TENM3: variants seen among roughly 807,000 people sequenced by gnomAD.
TENM3 encodes teneurin transmembrane protein 3, also known as teneurin-3.
Under a neutral mutation model 255.1 loss-of-function variants are expected in TENM3, and 63 were observed. The ratio of observed to expected loss-of-function variants is 0.25; its 90% confidence interval spans 0.20 to 0.30. The LOEUF (loss-of-function observed/expected upper bound fraction) is 0.30, where lower values mean the gene tolerates loss of function less well. TENM3 is among the 10% of genes least tolerant of loss of function. The pLI, the probability that TENM3 is intolerant of heterozygous loss-of-function variation, is 1.00. For synonymous variants in TENM3, 1,306 were observed against 1,322.3 expected, an observed-to-expected ratio of 0.99 and a Z score of 0.27; for missense variants, 2,929 against 3,461.1, an observed-to-expected ratio of 0.85 and a Z score of 3.86.
chr4:181,594,533 A>G, the TENM3 span, among the ~76,000 whole-genome samples: 3 of 152,070 alleles, frequency 2.0e-5, no homozygotes, highest in Non-Finnish European at 4.4e-5. Flanking sequence ...CCAAGACTCC[A>G]TTTCTGGGTT....
chr4:182,287,897 G>A (rs1021518416), intron 1 of TENM3, among the ~76,000 whole-genome samples: 11 of 151,352 alleles, frequency 7.3e-5, no homozygotes, highest in African/African-American at 1.9e-4. Context: ...GATTACAGGC[G>A]TGAGGTACCG....
chr4:182,062,214 A>G, the TENM3 span, among the ~76,000 whole-genome samples: 1 of 152,184 alleles, frequency 6.6e-6, no homozygotes, highest in Admixed American at 6.5e-5. Context: ...ACCCAAGAAT[A>G]TGTTTAGTTT....
chr4:182,654,494 T>TA (rs1218925559), intron 6 of TENM3, among the ~76,000 whole-genome samples: 3 of 152,150 alleles, frequency 2.0e-5, no homozygotes, highest in Non-Finnish European at 4.4e-5. Flanking sequence ...TATGTACACT[T>TA]ACGTTACAAA....
the TENM3 span, among the ~76,000 whole-genome samples, chr4:181,564,028 CTTTTCTTTT>C: frequency 1.1e-5 from 1 of 94,714 alleles, no homozygotes; most frequent in Admixed American, 1.1e-4. Context: ...CTTTTCTTTT[CTTTTCTTTT>C]TTCTTTTTTT....
intron 12 of TENM3, among the ~76,000 whole-genome samples, chr4:182,709,621 A>G (rs1025565303): frequency 1.3e-5 from 2 of 152,116 alleles, no homozygotes; most frequent in Non-Finnish European, 2.9e-5. Context: ...AATTATTTGA[A>G]CCTCATATAT....
chr4:182,390,143 G>C (rs2150976078), intron 3 of TENM3, among the ~76,000 whole-genome samples: 1 of 152,238 alleles, frequency 6.6e-6, no homozygotes, highest in South Asian at 2.1e-4. Context: ...TCCCGGGTGG[G>C]TCATGGGATC....
At chr4:181,969,659 T>C in the TENM3 span, among the ~76,000 whole-genome samples, 3 of 152,232 alleles carry the variant, frequency 2.0e-5, no homozygotes, top group Non-Finnish European at 4.4e-5. Context: ...TTTTCTCAGT[T>C]ACATCCATCA....
At chr4:181,701,663 A>G in the TENM3 span, among the ~76,000 whole-genome samples, 1 of 152,184 alleles carries the variant, frequency 6.6e-6, no homozygotes, top group Non-Finnish European at 1.5e-5. Flanking sequence ...CTTTATAGTG[A>G]AAGACTCCTA....
chr4:182,152,663 T>C (rs2149585945), intron 1 of TENM3, among the ~76,000 whole-genome samples: 1 of 152,068 alleles, frequency 6.6e-6, no homozygotes, highest in Non-Finnish European at 1.5e-5. Flanking sequence ...CTTCGATTTT[T>C]ACTAATTTAA....
At chr4:181,809,563 C>T in the TENM3 span, among the ~76,000 whole-genome samples, 1 of 152,248 alleles carries the variant, frequency 6.6e-6, no homozygotes, top group Admixed American at 6.5e-5. Flanking sequence ...TCCTGTGCTA[C>T]TATGCTGAAG....
chr4:182,731,832 A>G (rs1161110853), intron 16 of TENM3, among the ~76,000 whole-genome samples: 1 of 147,332 alleles, frequency 6.8e-6, no homozygotes, highest in Non-Finnish European at 1.5e-5. Flanking sequence ...CCCAGGCTGG[A>G]GTGCAGTGGC....
chr4:181,801,695 T>TATATATATATAC, the TENM3 span, among the ~76,000 whole-genome samples: 3 of 125,910 alleles, frequency 2.4e-5, no homozygotes, highest in African/African-American at 9.4e-5. Flanking sequence ...TATATATATA[T>TATATATATATAC]ATGCAACAAT....
the TENM3 span, among the ~76,000 whole-genome samples, chr4:182,003,017 A>C: frequency 1.3e-5 from 2 of 152,062 alleles, no homozygotes; most frequent in Admixed American, 1.3e-4. Flanking sequence ...TGCTTGTTCA[A>C]GTGAGATATA....
At chr4:181,833,601 G>A in the TENM3 span, among the ~76,000 whole-genome samples, 2 of 152,088 alleles carry the variant, frequency 1.3e-5, no homozygotes, top group Non-Finnish European at 2.9e-5. Flanking sequence ...TTGACATTCA[G>A]TCATGACAAA....
chr4:181,859,242 C>CAAA, the TENM3 span, among the ~76,000 whole-genome samples: 5,802 of 83,034 alleles, frequency 0.07, 500 homozygotes, highest in African/African-American at 0.075. Flanking sequence ...GACTCGGTCT[C>CAAA]AAAAAAAAAA....
the TENM3 span, among the ~76,000 whole-genome samples, chr4:181,605,598 AAAGAAAGAAAGAAAGAAAAG>A: frequency 2.3e-5 from 3 of 131,664 alleles, no homozygotes; most frequent in East Asian, 2.1e-4. Flanking sequence ...AGAAAGAAAG[AAAGAAAGAAAGAAAGAAAAG>A]AAAGAACAAG....
chr4:182,742,306 A>C (rs1484085277), intron 18 of TENM3, among the ~76,000 whole-genome samples: 1 of 152,256 alleles, frequency 6.6e-6, no homozygotes, highest in Non-Finnish European at 1.5e-5. Flanking sequence ...GAAGACCATA[A>C]AAGAGCAGAC....
intron 3 of TENM3, among the ~76,000 whole-genome samples, chr4:182,433,875 G>A (rs1196552080): frequency 6.6e-6 from 1 of 152,148 alleles, no homozygotes; most frequent in Admixed American, 6.5e-5. Flanking sequence ...CAGCTCTTTG[G>A]GAGACCAAAG....
At chr4:182,000,612 C>A in the TENM3 span, among the ~76,000 whole-genome samples, 1 of 152,118 alleles carries the variant, frequency 6.6e-6, no homozygotes, top group Non-Finnish European at 1.5e-5. Context: ...GGTACCAATC[C>A]ATGGTTGGTC....
Sources: gnomAD v4.1 joint callset for allele counts (sites outside exome capture counted in the v4.1 genomes callset) on GRCh38, gnomAD v4.1.1 for gene constraint, MANE v1.5 for transcripts, NCBI Gene and HGNC (gene_info 2026-07-23, HGNC 2026-07-21) for gene names.